PRELID3B: variants seen among roughly 807,000 people sequenced by gnomAD.
PRELID3B encodes the protein PRELI domain containing 3B, also known as PRELI domain containing protein 3B.
A neutral mutation model predicts 24.0 loss-of-function variants in PRELID3B; 15 were observed. That is an observed-to-expected ratio of 0.63 (90% CI 0.42 to 0.96). The LOEUF is 0.96. Among genes scored for constraint, PRELID3B ranks in the 40% least tolerant of loss-of-function variants. PRELID3B has a pLI of 0.00. For synonymous variants in PRELID3B, 62 were observed against 76.0 expected (o/e 0.82, Z 0.96); for missense variants, 189 against 236.0 (o/e 0.80, Z 1.30).
intron 2 of PRELID3B, among the ~76,000 whole-genome samples, chr20:59,037,489 G>A (rs1263421156): frequency 2.0e-5 from 3 of 152,190 alleles, no homozygotes; most frequent in Admixed American, 2.0e-4. Context: ...AACTTTTCCC[G>A]GAGGCAATTA....
chr20:59,035,182 G>A (rs1331229069), intron 5 of PRELID3B, 56 bp from the exon 6 acceptor site: 12 of 1,512,194 alleles, frequency 7.9e-6, no homozygotes, highest in East Asian at 7.0e-5. Flanking sequence ...GGCATATATC[G>A]AACTAATGAC....
rs2092060352 is a variant in PRELID3B, at chr20:59,034,971, C to A, written c.*36G>T. ...TAAATATATAGTCAGTTTGGAGAGA[C>A]CTGGAGTACCCGATGTTGTCTACCA... On this transcript the variant is annotated 3_prime_UTR_variant, in exon 6 of 6. Transcript: ENST00000355937. The A allele has an allele frequency of 1.9e-6, 3 of 1,582,286 alleles. No homozygotes were observed. The highest frequency in any genetic ancestry group is 2.6e-6 in the Non-Finnish European group (3 of 1,163,886).
Position 59,034,801 on chromosome 20 carries a change from T to G in PRELID3B, c.*206A>C. The stretch of plus-strand genomic sequence containing the variant: ...TGGAACCCTCAAAATCAGATAGTAA[T>G]TTCAAACAACATTAATTTCAGATGA... On this transcript the variant is annotated 3_prime_UTR_variant, in exon 6 of 6. Transcript: ENST00000355937. The G allele has an allele frequency of 2.4e-6, 1 of 422,562 alleles. No homozygotes were observed. The highest frequency in any genetic ancestry group is 4.1e-6 in the Non-Finnish European group (1 of 244,046). The allele number at this position is 422,562 out of a possible 1,614,324, so 26.2% of individuals were successfully genotyped here.
rs2092052726 is a variant in PRELID3B, at chr20:59,034,032, A to C, written c.*975T>G. On this transcript the variant is annotated 3_prime_UTR_variant, in exon 6 of 6. Coordinates refer to ENST00000355937, the MANE Select transcript of PRELID3B (RefSeq NM_016045.3). Reference sequence around the variant, plus strand: ...TAAAAACACTAAGTACCTGGGATTTATGCCTCAGAGCAAGACATCATTTGA... The same window carrying C: ...TAAAAACACTAAGTACCTGGGATTTCTGCCTCAGAGCAAGACATCATTTGA... The C allele has an allele frequency of 6.6e-6, 1 of 152,222 alleles. No homozygotes were observed. The highest frequency in any genetic ancestry group is 2.1e-4 in the South Asian group (1 of 4,832). 9.4% of individuals were successfully genotyped at this position (152,222 alleles called of 1,614,324 possible).
intron 5 of PRELID3B, among the ~76,000 whole-genome samples, chr20:59,036,185 T>C (rs1408934793): frequency 1.3e-5 from 2 of 152,146 alleles, no homozygotes; most frequent in Non-Finnish European, 2.9e-5. Context: ...ACTTTCCATA[T>C]GTTATCTCAT....
rs1462485204 is a variant in PRELID3B at position 59,037,120 on chromosome 20, C to CGGCAACTA, written c.291+63_291+70dup. 4 of 1,142,206 alleles carry CGGCAACTA rather than the reference C, an allele frequency of 3.5e-6. No homozygotes were observed. The East Asian group carries it at 9.8e-5, about 28-fold the overall frequency. The allele number at this position is 1,142,206 out of a possible 1,614,324, so 70.8% of individuals were successfully genotyped here. A position where few individuals can be genotyped will look rare whatever the true frequency, so the allele number is the denominator to read the frequency against. On this transcript the variant is annotated intron_variant, in intron 3 of 5. Coordinates refer to ENST00000355937, the MANE Select transcript of PRELID3B (RefSeq NM_016045.3). The stretch of plus-strand genomic sequence containing the variant: ...CATCATGAACACGCACTCACTTCTA[C>CGGCAACTA]GGCAACTAGGAGAGGGACAAAGAAC...
intron 2 of PRELID3B, among the ~76,000 whole-genome samples, chr20:59,037,863 A>C (rs1400662239): frequency 1.3e-5 from 2 of 152,206 alleles, no homozygotes; most frequent in East Asian, 3.8e-4. Flanking sequence ...TGTGTACTTT[A>C]GTTTTCTTAG....
chr20:59,038,259 G>C lies in PRELID3B; in HGVS notation c.201+207C>G, dbSNP rs2092087525. On this transcript the variant is annotated intron_variant, in intron 2 of 5. Transcript: ENST00000355937. The stretch of plus-strand genomic sequence containing the variant: ...ACACGGCATTAGCTGGCTTCCTTAA[G>C]AAAATTTTATTGGGTGCCTTCATGA... 3 of 453,982 alleles carry C rather than the reference G, an allele frequency of 6.6e-6. No individual in the cohort carries two copies. In the South Asian group the frequency reaches 1.6e-4, roughly 24 times the overall value. 28.1% of individuals were successfully genotyped at this position (453,982 alleles called of 1,614,324 possible).
intron 1 of PRELID3B, among the ~76,000 whole-genome samples, chr20:59,041,537 C>A (rs1341828320): frequency 6.6e-6 from 1 of 152,126 alleles, no homozygotes; most frequent in Non-Finnish European, 1.5e-5. Flanking sequence ...CACTTTGAGA[C>A]CAACCTGACC....
At chr20:59,042,470 G>A (rs959685415) in intron 1 of PRELID3B, among the ~76,000 whole-genome samples, 12 of 152,216 alleles carry the variant, frequency 7.9e-5, no homozygotes, top group African/African-American at 2.7e-4. Context: ...TAGCCCTGCC[G>A]GTCGCAAGGC....
At chr20:59,039,167 C>T (rs912936877) in intron 1 of PRELID3B, among the ~76,000 whole-genome samples, 4 of 152,186 alleles carry the variant, frequency 2.6e-5, no homozygotes, top group Middle Eastern at 3.2e-3. Flanking sequence ...TAATGTAATA[C>T]ATAACAATGG....
intron 2 of PRELID3B, chr20:59,038,022 G>A (rs941676665): frequency 1.9e-5 from 3 of 156,378 alleles, no homozygotes; most frequent in Non-Finnish European, 4.2e-5. Flanking sequence ...GAATAGAATT[G>A]TTTCTAAATG....
intron 5 of PRELID3B, among the ~76,000 whole-genome samples, 180 bp downstream of exon 5, chr20:59,036,291 G>C (rs2092071596): frequency 6.6e-6 from 1 of 152,178 alleles, no homozygotes; most frequent in Admixed American, 6.5e-5. Context: ...AGGTTAAAAG[G>C]CTAAAAGTTA....
At chr20:59,041,404 GACA>G (rs2092109266) in intron 1 of PRELID3B, among the ~76,000 whole-genome samples, 1 of 152,152 alleles carries the variant, frequency 6.6e-6, no homozygotes, top group Non-Finnish European at 1.5e-5. Flanking sequence ...TACAAATGCG[GACA>G]ACGTTTTAAA....
intron 2 of PRELID3B, 131 bp from the exon 3 acceptor site, chr20:59,037,411 A>T (rs1262043558): frequency 5.2e-6 from 4 of 763,172 alleles, no homozygotes; most frequent in African/African-American, 1.7e-5. Flanking sequence ...AAACCAGAGG[A>T]AACAAGCAAA....
chr20:59,038,296 A>G (rs1266407425), intron 2 of PRELID3B, 170 bp downstream of exon 2: 15 of 529,364 alleles, frequency 2.8e-5, no homozygotes, highest in African/African-American at 3.9e-5. Flanking sequence ...GACTGTAATA[A>G]TATTTCCAAT....
chr20:59,041,991 G>A (rs1172961609), intron 1 of PRELID3B, among the ~76,000 whole-genome samples: 2 of 152,220 alleles, frequency 1.3e-5, no homozygotes, highest in African/African-American at 2.4e-5. Context: ...AGTTTCGTTA[G>A]TAAACAGTTC....
intron 1 of PRELID3B, among the ~76,000 whole-genome samples, chr20:59,042,425 A>G (rs2092116809): frequency 6.6e-6 from 1 of 152,026 alleles, no homozygotes; most frequent in South Asian, 2.1e-4. Flanking sequence ...GCCCGAGGCT[A>G]CCTCATGGTG....
chr20:59,036,065 A>C lies in PRELID3B; in HGVS notation c.465+406T>G, dbSNP rs2092069669. ...TGGCAATTAGGGAAAAAATGTCTAA[A>C]ACGAGTTGTGGGGGAGACAACAGTG... On this transcript the variant is annotated intron_variant, in intron 5 of 5. Coordinates refer to ENST00000355937, the MANE Select transcript of PRELID3B (RefSeq NM_016045.3). 4.8e-5 allele frequency among the ~76,000 whole-genome samples: 7 copies of C among 147,272 alleles called. No individual in the cohort carries two copies. The South Asian group carries it at 1.5e-3, about 32-fold the overall frequency.
Sources: allele counts gnomAD v4.1 joint callset (sites outside exome capture counted in the v4.1 genomes callset), GRCh38; gene constraint gnomAD v4.1.1; transcripts MANE v1.5; gene names NCBI Gene and HGNC (gene_info 2026-07-23, HGNC 2026-07-21).